The following CNTNAP4 variants were observed in gnomAD, a reference collection of about 807,000 sequenced individuals.
The protein encoded by CNTNAP4 is contactin-associated protein-like 4.
In CNTNAP4, 98 loss-of-function variants were observed where a neutral mutation model predicts 148.4. The ratio of observed to expected loss-of-function variants is 0.66; its 90% CI spans 0.56 to 0.78. The LOEUF (loss-of-function observed/expected upper bound fraction) is 0.78. Among genes scored for constraint, CNTNAP4 ranks in the 30% least tolerant of loss-of-function variants. The pLI, the probability that CNTNAP4 is intolerant of heterozygous loss-of-function variation, is 0.00. For synonymous variants in CNTNAP4, 730 were observed against 565.1 expected, an observed-to-expected ratio of 1.29 and a Z score of -4.14; for missense variants, 1,935 against 1,565.6, an observed-to-expected ratio of 1.24 and a Z score of -3.98.
intron 1 of CNTNAP4, among the ~76,000 whole-genome samples, chr16:76,296,636 G>T (rs773036562): frequency 2.4e-4 from 36 of 152,104 alleles, no homozygotes; most frequent in Non-Finnish European, 4.0e-4. Context: ...ATGGACGAAA[G>T]AGAGAGGCAG....
intron 4 of CNTNAP4, among the ~76,000 whole-genome samples, chr16:76,437,272 G>C (rs2079866653): frequency 6.6e-6 from 1 of 152,040 alleles, no homozygotes; most frequent in African/African-American, 2.4e-5. Flanking sequence ...CCAGCCCACT[G>C]ACTGAAATGT....
intron 12 of CNTNAP4, among the ~76,000 whole-genome samples, chr16:76,484,300 G>A (rs1193370424): frequency 4.2e-5 from 3 of 71,288 alleles, no homozygotes; most frequent in Non-Finnish European, 1.0e-4. Context: ...AAAAAAGACT[G>A]GAGTCACTGG....
chr16:76,540,766 T>G lies in CNTNAP4; in HGVS notation c.3418T>G (p.Ser1140Ala), dbSNP rs2084417471. The G allele has an allele frequency of 6.4e-7, 1 of 1,573,274 alleles. No homozygotes were observed. Among genetic ancestry groups the G allele is most frequent in the East Asian group, 2.3e-5 (1 of 43,384 alleles). Residue 1140 changes from serine (S) to alanine (A), a missense_variant, in exon 21 of 24, where the codon TCT becomes GCT. Ser to Ala is a moderately conservative substitution (Grantham distance 99). Transcript: ENST00000611870. ...SSGTEFSAVKSLVLGRILEHS... is the reference protein window; with the variant it reads ...SSGTEFSAVKALVLGRILEHS... ...AGGCACAGAATTCAGTGCAGTCAAA[T>G]CTCTGGTATTGGGCAGGATTTTAGG...
chr16:76,405,880 A>G (rs1247684573), intron 3 of CNTNAP4, among the ~76,000 whole-genome samples: 2 of 152,096 alleles, frequency 1.3e-5, no homozygotes, highest in African/African-American at 2.4e-5. Context: ...AACATAATCA[A>G]TCTCAATTAC....
At position 76,494,988 on chromosome 16, in the gene CNTNAP4, A is replaced by T; in HGVS notation, c.2159A>T (p.Gln720Leu). ...TGGGGAGGTTCTTCGCCTGATCTTC[A>T]AAAATGTACTTGTGGATTAGAGGGA... ...TYWGGSSPDL[Q>L]KCTCGLEGNC... Residue 720 changes from glutamine (Q) to leucine (L), a missense_variant, in exon 14 of 24, where the codon CAA becomes CTA. Transcript: ENST00000611870. 6.2e-7 allele frequency: 1 copy of T among 1,613,686 alleles called. No individual in the cohort carries two copies. Among genetic ancestry groups the T allele is most frequent in the Non-Finnish European group, 8.5e-7 (1 of 1,179,672 alleles).
At chr16:76,476,632 G>C (rs142318821) in intron 11 of CNTNAP4, among the ~76,000 whole-genome samples, 179 of 152,294 alleles carry the variant, frequency 1.2e-3, no homozygotes, top group African/African-American at 4.1e-3. Flanking sequence ...GATTAGGTGA[G>C]GGTGTGCTTC....
At chr16:76,306,402 C>T (rs780155525) in intron 1 of CNTNAP4, among the ~76,000 whole-genome samples, 2 of 152,112 alleles carry the variant, frequency 1.3e-5, no homozygotes, top group Non-Finnish European at 1.5e-5. Flanking sequence ...TGCCCTTTCC[C>T]GACTCCCCAA....
chr16:76,465,833 G>C (rs909113987), intron 9 of CNTNAP4, among the ~76,000 whole-genome samples: 1 of 152,038 alleles, frequency 6.6e-6, no homozygotes, highest in African/African-American at 2.4e-5. Flanking sequence ...GTCTCCATTA[G>C]GTTAAAATAA....
chr16:76,500,376 G>A (rs2082585667), intron 15 of CNTNAP4, among the ~76,000 whole-genome samples: 1 of 152,238 alleles, frequency 6.6e-6, no homozygotes, highest in Admixed American at 6.5e-5. Context: ...CTTTGTTAAG[G>A]TTCTAAGAGA....
intron 2 of CNTNAP4, among the ~76,000 whole-genome samples, chr16:76,351,608 C>G (rs139676049): frequency 2.6e-4 from 40 of 152,316 alleles, no homozygotes; most frequent in African/African-American, 9.6e-4. Context: ...CTAGAAGCCT[C>G]TGAATTTCCA....
chr16:76,309,923 C>G (rs1028202645), intron 1 of CNTNAP4: 2 of 701,746 alleles, frequency 2.9e-6, no homozygotes, highest in Admixed American at 4.0e-5. Flanking sequence ...CCGGTTAAGT[C>G]TCTTTTTCTT....
chr16:76,302,681 T>G (rs183806101), intron 1 of CNTNAP4, among the ~76,000 whole-genome samples: 8 of 152,296 alleles, frequency 5.3e-5, no homozygotes, highest in Admixed American at 3.9e-4. Context: ...TTTTGCTATA[T>G]AACATAACAT....
chr16:76,428,001 A>G (rs2079472455), intron 4 of CNTNAP4, among the ~76,000 whole-genome samples: 1 of 152,340 alleles, frequency 6.6e-6, no homozygotes, highest in Admixed American at 6.5e-5. Context: ...CATGTTATGA[A>G]ACCAAAAAAT....
Position 76,553,326 on chromosome 16 carries a change from G to A in CNTNAP4, c.3486G>A (p.Gln1162=). The A allele has an allele frequency of 1.9e-6, 3 of 1,613,018 alleles. No homozygotes were observed. Among genetic ancestry groups the A allele is most frequent in the Non-Finnish European group, 2.5e-6 (3 of 1,179,462 alleles). Residue 1162 remains glutamine (Q), a synonymous_variant, in exon 22 of 24, where the codon CAG becomes CAA. Coordinates refer to ENST00000611870, the MANE Select transcript of CNTNAP4 (RefSeq NM_033401.5). ...AGGATACTGCACTGGCAGGTGCGCA[G>A]GGCTTCACAGGCTGCCTCTCTGCAG... ...VDQDTALAGA[Q]GFTGCLSAVQ... is the part of the protein sequence containing the mutation.
chr16:76,341,636 A>G (rs12325009), intron 2 of CNTNAP4, among the ~76,000 whole-genome samples: 29,975 of 152,106 alleles, frequency 0.2, 3,721 homozygotes, highest in East Asian at 0.5. Context: ...TAACAAATCT[A>G]TAGGGCATCC....
intron 2 of CNTNAP4, among the ~76,000 whole-genome samples, chr16:76,342,862 C>T (rs1038702906): frequency 2.0e-5 from 3 of 152,132 alleles, no homozygotes; most frequent in Admixed American, 2.0e-4. Context: ...AAAGCAATAA[C>T]AACTGCAACG....
chr16:76,427,559 C>G lies in CNTNAP4; in HGVS notation c.498C>G (p.Gly166=), dbSNP rs1046770179. The G allele has an allele frequency of 4.3e-6, 7 of 1,612,704 alleles. No homozygotes were observed. Among genetic ancestry groups the G allele is most frequent in the Non-Finnish European group, 5.9e-6 (7 of 1,179,316 alleles). Residue 166 remains glycine, a synonymous_variant, in exon 4 of 24, where the codon GGC becomes GGG. Transcript: ENST00000611870. ...TCCCTTTGGAATGGAACCCCAAGGGCAGAATTGGAATGCGAATCGAAGTGT... is the reference window on the plus strand; with the variant it reads ...TCCCTTTGGAATGGAACCCCAAGGGGAGAATTGGAATGCGAATCGAAGTGT... ...RFIPLEWNPK[G]RIGMRIEVFG...
intron 10 of CNTNAP4, among the ~76,000 whole-genome samples, chr16:76,471,920 G>A (rs767247090): frequency 6.6e-6 from 1 of 152,180 alleles, no homozygotes; most frequent in Non-Finnish European, 1.5e-5. Context: ...TGATAATGTT[G>A]TATAGAGTTT....
intron 2 of CNTNAP4, among the ~76,000 whole-genome samples, chr16:76,326,741 T>C (rs377314823): frequency 6.7e-6 from 1 of 149,290 alleles, no homozygotes; most frequent in African/African-American, 2.5e-5. Flanking sequence ...TAGGTGGGAA[T>C]TGAACAATGA....
Sources: allele counts gnomAD v4.1 joint callset (sites outside exome capture counted in the v4.1 genomes callset), GRCh38; gene constraint gnomAD v4.1.1; transcripts MANE v1.5; gene names NCBI Gene and HGNC (gene_info 2026-07-23, HGNC 2026-07-21).